FAM227B: variants seen among roughly 807,000 people sequenced by gnomAD.
The protein encoded by FAM227B is protein FAM227B.
Under a neutral mutation model 73.8 loss-of-function variants are expected in FAM227B, and 88 were observed. That is an observed-to-expected ratio of 1.19 (90% CI 1.00 to 1.42). FAM227B has a LOEUF of 1.42. Among genes scored for constraint, FAM227B ranks in the 40% most tolerant of loss-of-function variants. The probability of loss-of-function intolerance (pLI) is 0.00; values close to 1 mark genes in which losing one functional copy is unlikely to be tolerated. For missense variants in FAM227B, 632 were observed against 590.9 expected (o/e 1.07, Z -0.72); for synonymous variants, 210 against 190.5 (o/e 1.10, Z -0.84).
At chr15:49,483,068 C>G in intron 11 of FAM227B, 1 of 818,824 alleles carries the variant, frequency 1.2e-6, no homozygotes, top group Non-Finnish European at 2.1e-6. Context: ...CCGATTAAAA[C>G]AGAAATAAGA....
At chr15:49,446,860 G>A (rs1244667863) in intron 11 of FAM227B, among the ~76,000 whole-genome samples, 4 of 151,522 alleles carry the variant, frequency 2.6e-5, no homozygotes, top group Non-Finnish European at 5.9e-5. Context: ...TACAAGCAGG[G>A]GGAGAAGTGA....
At chr15:49,365,810 G>A in intron 13 of FAM227B, 1 of 872,734 alleles carries the variant, frequency 1.1e-6, no homozygotes, top group Admixed American at 1.7e-5. Context: ...AGTCCAGAGA[G>A]AAACATAAGT....
intron 11 of FAM227B, among the ~76,000 whole-genome samples, chr15:49,438,983 T>C (rs1480703253): frequency 6.6e-6 from 1 of 151,730 alleles, no homozygotes; most frequent in Non-Finnish European, 1.5e-5. Context: ...GTATTTATTA[T>C]CTTGCAGTTT....
At chr15:49,503,151 C>T (rs1245341228) in intron 11 of FAM227B, among the ~76,000 whole-genome samples, 2 of 152,076 alleles carry the variant, frequency 1.3e-5, no homozygotes, top group African/African-American at 4.8e-5. Flanking sequence ...CTTTGACAAA[C>T]CTGACAAAAA....
chr15:49,519,972 C>CAT (rs751615072), intron 10 of FAM227B, among the ~76,000 whole-genome samples: 2 of 151,890 alleles, frequency 1.3e-5, no homozygotes, highest in African/African-American at 2.4e-5. Context: ...TTTGTGAATA[C>CAT]ATAAAGCTGA....
chr15:49,395,289 A>C (rs975595066), intron 11 of FAM227B, among the ~76,000 whole-genome samples: 10 of 152,192 alleles, frequency 6.6e-5, no homozygotes, highest in Non-Finnish European at 1.2e-4. Flanking sequence ...ATGGTTTAAA[A>C]AAATCACTTT....
At position 49,481,777 on chromosome 15, in the gene FAM227B, T is replaced by C. The variant is rs573140484; in HGVS notation, c.1012+26434A>G. Among the ~76,000 whole-genome samples the C allele has an allele frequency of 3.3e-5, 5 of 152,292 alleles. No individual in the cohort carries two copies. In the East Asian group the frequency reaches 9.6e-4, roughly 29 times the overall value. On this transcript the variant is annotated intron_variant, in intron 11 of 15. Coordinates refer to ENST00000299338, the MANE Select transcript of FAM227B (RefSeq NM_152647.3). Reference sequence around the variant, plus strand: ...AGATTAATATCCATTCATTTGCATTTTCTTAATAAAACCCAATTTCTAGAT... The same window carrying C: ...AGATTAATATCCATTCATTTGCATTCTCTTAATAAAACCCAATTTCTAGAT...
At chr15:49,396,328 C>G (rs1316752392) in intron 11 of FAM227B, 1 of 375,954 alleles carries the variant, frequency 2.7e-6, no homozygotes, top group African/African-American at 2.2e-5. Flanking sequence ...ATATCCCACA[C>G]CTGGCTCGGA....
At chr15:49,466,536 G>C (rs570209992) in intron 11 of FAM227B, among the ~76,000 whole-genome samples, 4 of 152,240 alleles carry the variant, frequency 2.6e-5, no homozygotes, top group African/African-American at 9.6e-5. Context: ...TTTTAATAGA[G>C]TATACCACTG....
chr15:49,516,597 C>T (rs7162260), intron 10 of FAM227B, among the ~76,000 whole-genome samples: 82 of 151,926 alleles, frequency 5.4e-4, no homozygotes, highest in African/African-American at 1.9e-3. Flanking sequence ...AGTAATGGCA[C>T]AGGTTTTAAT....
intron 13 of FAM227B, among the ~76,000 whole-genome samples, chr15:49,349,884 C>T (rs945786842): frequency 1.3e-5 from 2 of 151,806 alleles, no homozygotes; most frequent in Non-Finnish European, 2.9e-5. Flanking sequence ...CACAAAATAA[C>T]CCGAAACTAG....
At chr15:49,498,974 G>C (rs368268811) in intron 11 of FAM227B, among the ~76,000 whole-genome samples, 1 of 151,380 alleles carries the variant, frequency 6.6e-6, no homozygotes, top group African/African-American at 2.4e-5. Context: ...AGACCATCCC[G>C]GCTAAAACGG....
intron 11 of FAM227B, among the ~76,000 whole-genome samples, chr15:49,489,855 ATATTTT>A (rs1468586774): frequency 0.059 from 872 of 14,770 alleles, 90 homozygotes; most frequent in East Asian, 0.12. Context: ...ATATATATAT[ATATTTT>A]ATATATATAT....
At chr15:49,600,363 T>C (rs1456050685) in intron 3 of FAM227B, among the ~76,000 whole-genome samples, 1 of 151,206 alleles carries the variant, frequency 6.6e-6, no homozygotes, top group Non-Finnish European at 1.5e-5. Flanking sequence ...TTTTTTTTTT[T>C]TTAAATCCGG....
intron 11 of FAM227B, among the ~76,000 whole-genome samples, chr15:49,480,074 G>A (rs1464565015): frequency 6.6e-6 from 1 of 152,054 alleles, no homozygotes; most frequent in African/African-American, 2.4e-5. Flanking sequence ...TAGAAAATAG[G>A]GTTGATAAGC....
intron 9 of FAM227B, among the ~76,000 whole-genome samples, chr15:49,546,440 G>C (rs1192024254): frequency 6.6e-6 from 1 of 152,078 alleles, no homozygotes; most frequent in Non-Finnish European, 1.5e-5. Flanking sequence ...TGTCTTTATA[G>C]CAGCGTGATT....
chr15:49,595,737 C>A (rs9972316), intron 3 of FAM227B, among the ~76,000 whole-genome samples: 9,426 of 149,580 alleles, frequency 0.063, 1,034 homozygotes, highest in African/African-American at 0.22. Context: ...ATATGGACAA[C>A]AAAAACTCCA....
intron 13 of FAM227B, among the ~76,000 whole-genome samples, chr15:49,363,190 T>C (rs963840412): frequency 3.3e-5 from 5 of 152,354 alleles, no homozygotes; most frequent in East Asian, 1.9e-4. Flanking sequence ...AGGAATAGCA[T>C]TGAATCTGTA....
intron 9 of FAM227B, among the ~76,000 whole-genome samples, chr15:49,558,126 G>T (rs951452096): frequency 1.4e-5 from 1 of 70,192 alleles, no homozygotes; most frequent in Non-Finnish European, 2.6e-5. Context: ...AATGCCTAAT[G>T]CCCCAACTTT....
Sources: gnomAD v4.1 joint callset for allele counts (sites outside exome capture counted in the v4.1 genomes callset) on GRCh38, gnomAD v4.1.1 for gene constraint, MANE v1.5 for transcripts, NCBI Gene and HGNC (gene_info 2026-07-23, HGNC 2026-07-21) for gene names.